IQCH: variants seen among roughly 807,000 people sequenced by gnomAD.
IQCH encodes the protein IQ domain-containing protein H.
Under a neutral mutation model 117.0 loss-of-function variants are expected in IQCH, and 98 were observed. The ratio of observed to expected loss-of-function variants is 0.84; its 90% CI spans 0.71 to 0.99. The LOEUF (loss-of-function observed/expected upper bound fraction) is 0.99. IQCH is among the 50% of genes least tolerant of loss of function. The probability of loss-of-function intolerance (pLI) is 0.00; values close to 1 mark genes in which losing one functional copy is unlikely to be tolerated. For missense variants in IQCH, 1,102 were observed against 1,243.8 expected, an observed-to-expected ratio of 0.89 and a Z score of 1.72; for synonymous variants, 412 against 448.2, an observed-to-expected ratio of 0.92 and a Z score of 1.02.
intron 4 of IQCH, among the ~76,000 whole-genome samples, chr15:67,335,572 A>G (rs1641534720): frequency 6.6e-6 from 1 of 152,180 alleles, no homozygotes; most frequent in South Asian, 2.1e-4. Flanking sequence ...CTTACTGATT[A>G]GGAGGAGATC....
intron 4 of IQCH, among the ~76,000 whole-genome samples, chr15:67,303,072 A>G (rs370222766): frequency 5.9e-5 from 9 of 152,308 alleles, no homozygotes; most frequent in South Asian, 2.1e-4. Flanking sequence ...AATCTGTCCA[A>G]TTCCTACAAC....
At chr15:67,383,188 T>G (rs539924497) in intron 10 of IQCH, among the ~76,000 whole-genome samples, 3 of 152,344 alleles carry the variant, frequency 2.0e-5, no homozygotes, top group Admixed American at 2.0e-4. Context: ...TAAAGCACTT[T>G]GCAGCTTACA....
rs1308989004 is a variant in IQCH, at chr15:67,373,414, T to C, written c.1353T>C (p.Ile451=). Residue 451 remains isoleucine, a synonymous_variant, in exon 10 of 21, where the codon ATT becomes ATC. Coordinates refer to ENST00000335894, the MANE Select transcript of IQCH (RefSeq NM_001031715.3). ...GCATCAGGACCTCCAGGAGGACTAT[T>C]ATCCATATCCCATCATTAGGTATAA... ...WNRIRTSRRT[I]IHIPSLGYSQ... is the part of the protein sequence containing the mutation. 6.2e-7 allele frequency: 1 copy of C among 1,610,738 alleles called. No homozygotes were observed.
chr15:67,326,099 A>G (rs1245401403), intron 4 of IQCH, among the ~76,000 whole-genome samples: 1 of 152,012 alleles, frequency 6.6e-6, no homozygotes, highest in Non-Finnish European at 1.5e-5. Context: ...TGTATCTCCT[A>G]ATGCTGTCCC....
intron 4 of IQCH, among the ~76,000 whole-genome samples, chr15:67,284,408 G>A (rs1392004060): frequency 6.6e-6 from 1 of 152,114 alleles, no homozygotes; most frequent in East Asian, 1.9e-4. Context: ...GTACTTCACT[G>A]TGTATATGTA....
intron 16 of IQCH, among the ~76,000 whole-genome samples, chr15:67,428,527 T>TATAATCACCCCAATTAATCACCCCAA (rs2081944131): frequency 6.6e-6 from 1 of 152,094 alleles, no homozygotes; most frequent in Non-Finnish European, 1.5e-5. Flanking sequence ...ATTATCCAGG[T>TATAATCACCCCAATTAATCACCCCAA]GGCCCCAATA....
chr15:67,262,173 A>G (rs1965490891), intron 2 of IQCH, among the ~76,000 whole-genome samples: 1 of 152,224 alleles, frequency 6.6e-6, no homozygotes, highest in African/African-American at 2.4e-5. Context: ...GTAACGTTAT[A>G]ATCAAATGGG....
At position 67,459,343 on chromosome 15, in the gene IQCH, G is replaced by T. The variant is rs1247188463; in HGVS notation, c.2506-5784G>T. Among the ~76,000 whole-genome samples, 1 of 152,180 alleles carries T rather than the reference G, an allele frequency of 6.6e-6. No individual in the cohort carries two copies. Among genetic ancestry groups the T allele is most frequent in the Non-Finnish European group, 1.5e-5 (1 of 68,026 alleles). ...CTCTGAGTCCCATACGTGCCCTGAT[G>T]CCCATAGGAGAAGGGTGGCAAGAGG... On this transcript the variant is annotated intron_variant, in intron 16 of 20. Transcript: ENST00000335894. The surrounding 1 kb of genome is among the most constrained non-coding windows in gnomAD (Gnocchi z 4.2).
In IQCH at chr15:67,359,301, T is replaced by C. The variant is rs1468250014; in HGVS notation, c.715-546T>C. Among the ~76,000 whole-genome samples, 2 of 152,242 alleles carry C rather than the reference T, an allele frequency of 1.3e-5. No homozygotes were observed. Among genetic ancestry groups the C allele is most frequent in the African/African-American group, 4.8e-5 (2 of 41,454 alleles). ...ATGCTAATGAGCCCTGGCTTTAATT[T>C]TCTCTGTTGACTTCACAAAGCTCTC... On this transcript the variant is annotated intron_variant, in intron 7 of 20. Coordinates refer to ENST00000335894, the MANE Select transcript of IQCH (RefSeq NM_001031715.3). The surrounding 1 kb of genome is among the most constrained non-coding windows in gnomAD (Gnocchi z 4.5).
intron 17 of IQCH, among the ~76,000 whole-genome samples, chr15:67,468,105 A>G (rs1195856204): frequency 1.3e-5 from 2 of 152,222 alleles, no homozygotes; most frequent in Non-Finnish European, 2.9e-5. Flanking sequence ...ATCGCCTAAC[A>G]GTGTTTTAAC....
chr15:67,490,990 A>C lies in IQCH; in HGVS notation c.2861+926A>C, dbSNP rs1476746896. On this transcript the variant is annotated intron_variant, in intron 19 of 20. Coordinates refer to ENST00000335894, the MANE Select transcript of IQCH (RefSeq NM_001031715.3). The surrounding 1 kb of genome is among the most constrained non-coding windows in gnomAD (Gnocchi z 4.9). The stretch of plus-strand genomic sequence containing the variant: ...ATATCTTGGCACATGGTTACTTGGT[A>C]CCTTTAAGTCATCCTACCTAATTGG... Among the ~76,000 whole-genome samples the C allele has an allele frequency of 6.6e-6, 1 of 152,172 alleles. No individual in the cohort carries two copies. The highest frequency in any genetic ancestry group is 1.5e-5 in the Non-Finnish European group (1 of 68,026).
chr15:67,407,212 C>A lies in IQCH; in HGVS notation c.2097+6907C>A, dbSNP rs571277650. On this transcript the variant is annotated intron_variant, in intron 14 of 20. Coordinates refer to ENST00000335894, the MANE Select transcript of IQCH (RefSeq NM_001031715.3). The surrounding 1 kb of genome is among the most constrained non-coding windows in gnomAD (Gnocchi z 5.3). The stretch of plus-strand genomic sequence containing the variant: ...TATCATTTAGAAATATAAAACAGTT[C>A]CATTTATTTGAACTTTCTATGAGTT... 6.6e-6 allele frequency: 1 copy of A among 152,262 alleles called. No homozygotes were observed. The highest frequency in any genetic ancestry group is 2.1e-4 in the South Asian group (1 of 4,822). 9.4% of individuals were successfully genotyped at this position (152,262 alleles called of 1,614,324 possible). A position where few individuals can be genotyped will look rare whatever the true frequency, so the allele number is the denominator to read the frequency against.
Position 67,370,341 on chromosome 15 carries a change from C to T in IQCH, c.754-1770C>T, listed in dbSNP as rs946105073. 2.6e-5 allele frequency among the ~76,000 whole-genome samples: 4 copies of T among 152,216 alleles called. No individual in the cohort carries two copies. The highest frequency in any genetic ancestry group is 9.6e-5 in the African/African-American group (4 of 41,458). ...TCAGAGTCCTGTTGACTGAATCACA[C>T]GTGACTGGCAGGACCAGCCAGCTCC... On this transcript the variant is annotated intron_variant, in intron 8 of 20. Transcript: ENST00000335894. The surrounding 1 kb of genome is among the most constrained non-coding windows in gnomAD (Gnocchi z 5.6).
chr15:67,336,802 T>C (rs1187394619), intron 4 of IQCH, among the ~76,000 whole-genome samples, 173 bp from the exon 5 acceptor site: 1 of 152,202 alleles, frequency 6.6e-6, no homozygotes, highest in Non-Finnish European at 1.5e-5. Context: ...CACAAACTCC[T>C]GATGGTAGTA....
Position 67,421,291 on chromosome 15 carries a change from GGGGTGTGATCGAAGC to G in IQCH, c.2220_2234del (p.Gly741_Ala745del). 6.2e-7 allele frequency: 1 copy of G among 1,612,496 alleles called. No homozygotes were observed. The highest frequency in any genetic ancestry group is 8.5e-7 in the Non-Finnish European group (1 of 1,178,900). ...ACCTACTCCATGTTTTTCCCACCAG[GGGGTGTGATCGAAGC>G]ATTCCCACCTGCAGACAATGTCACC... On this transcript the variant is annotated inframe_deletion and splice_region_variant, in exon 16 of 21. Transcript: ENST00000335894.
Position 67,403,601 on chromosome 15 carries a change from T to C in IQCH, c.2097+3296T>C, listed in dbSNP as rs1205480053. 1 of 152,160 alleles carries C rather than the reference T, an allele frequency of 6.6e-6. No homozygotes were observed. Among genetic ancestry groups the C allele is most frequent in the Non-Finnish European group, 1.5e-5 (1 of 68,036 alleles). 9.4% of individuals were successfully genotyped at this position (152,160 alleles called of 1,614,324 possible). ...GTTAAGTTTTAATGAATCCACACTC[T>C]TGCACACACTCCAAACTCCACGTTC... On this transcript the variant is annotated intron_variant, in intron 14 of 20. Coordinates refer to ENST00000335894, the MANE Select transcript of IQCH (RefSeq NM_001031715.3). This position sits in a 1 kb window ranked among gnomAD's most constrained non-coding sequence, Gnocchi z 4.8.
chr15:67,283,548 G>A (rs772574403), intron 4 of IQCH, among the ~76,000 whole-genome samples: 6 of 151,516 alleles, frequency 4.0e-5, no homozygotes, highest in African/African-American at 1.5e-4. Context: ...TTGACTATCC[G>A]TGACAGCAAA....
At position 67,436,983 on chromosome 15, in the gene IQCH, C is replaced by T. The variant is rs2140955671; in HGVS notation, c.2505+15406C>T. Among the ~76,000 whole-genome samples, 1 of 151,462 alleles carries T rather than the reference C, an allele frequency of 6.6e-6. No individual in the cohort carries two copies. Among genetic ancestry groups the T allele is most frequent in the South Asian group, 2.1e-4 (1 of 4,778 alleles). ...CCCTATCCACCCTGGTAGCAGAAGA[C>T]AAAGGGCATATAATCTTGGGAGTTC... is the stretch of plus-strand genomic sequence containing the variant. On this transcript the variant is annotated intron_variant, in intron 16 of 20. Coordinates refer to ENST00000335894, the MANE Select transcript of IQCH (RefSeq NM_001031715.3). The surrounding 1 kb of genome is among the most constrained non-coding windows in gnomAD (Gnocchi z 5.1).
intron 16 of IQCH, among the ~76,000 whole-genome samples, chr15:67,449,964 G>A (rs1346168478): frequency 6.6e-6 from 1 of 152,024 alleles, no homozygotes; most frequent in East Asian, 1.9e-4. Flanking sequence ...TGGATTCCTA[G>A]GTATTTTATT....
Sources: gnomAD v4.1 joint callset for allele counts (sites outside exome capture counted in the v4.1 genomes callset) on GRCh38, gnomAD v4.1.1 for gene constraint, Gnocchi (gnomAD v3.1) non-coding constraint, MANE v1.5 for transcripts, NCBI Gene and HGNC (gene_info 2026-07-23, HGNC 2026-07-21) for gene names.